Variants in COL4A5 observed in about 807,000 individuals in gnomAD.
COL4A5 encodes collagen type IV alpha 5 chain.
A neutral mutation model predicts 130.2 loss-of-function variants in COL4A5; 26 were observed. The ratio of observed to expected loss-of-function variants is 0.20; its 90% CI spans 0.15 to 0.28. COL4A5 has a LOEUF of 0.28. Ranked by LOEUF, COL4A5 falls within the 10% of genes least tolerant of loss-of-function variation. The pLI is 1.00. For synonymous variants in COL4A5, 496 were observed against 439.6 expected (o/e 1.13, Z -1.60); for missense variants, 1,131 against 1,344.3 (o/e 0.84, Z 2.48).
chrX:108,663,857 T>C (rs2068016411), intron 37 of COL4A5, among the ~76,000 whole-genome samples: 1 of 111,386 alleles, frequency 9.0e-6, no homozygotes, highest in African/African-American at 3.3e-5. Context: ...CTAAAATGTG[T>C]ATGGAAATGA....
chrX:108,536,666 C>T (rs1339863876), intron 1 of COL4A5, among the ~76,000 whole-genome samples: 1 of 111,109 alleles, frequency 9.0e-6, no homozygotes, highest in African/African-American at 3.3e-5. Flanking sequence ...TCACTTTCTC[C>T]ACAGAGCCTT....
intron 36 of COL4A5, among the ~76,000 whole-genome samples, chrX:108,633,310 A>T (rs1215863049): frequency 1.8e-5 from 2 of 111,344 alleles, no homozygotes; most frequent in African/African-American, 6.5e-5. Context: ...GATTATAAAA[A>T]TAGATTTATA....
At chrX:108,641,913 A>T (rs1215020540) in intron 36 of COL4A5, among the ~76,000 whole-genome samples, 1 of 111,842 alleles carries the variant, frequency 8.9e-6, no homozygotes, top group African/African-American at 3.3e-5. Flanking sequence ...GAGGGCATGA[A>T]TCCAGTGTGC....
At chrX:108,464,305 A>G (rs893876473) in intron 1 of COL4A5, among the ~76,000 whole-genome samples, 29 of 111,898 alleles carry the variant, frequency 2.6e-4, no homozygotes, top group African/African-American at 8.8e-4. Context: ...ATATGCATAT[A>G]CCAATATTTT....
In COL4A5 at chrX:108,519,725, A is replaced by G. The variant is rs759082909; in HGVS notation, c.82-20021A>G. Among the ~76,000 whole-genome samples the G allele has an allele frequency of 4.5e-5, 5 of 110,620 alleles. No homozygotes were observed. In the South Asian group the frequency reaches 1.5e-3, roughly 33 times the overall value. On this transcript the variant is annotated intron_variant, in intron 1 of 52. Coordinates refer to ENST00000328300, the MANE Select transcript of COL4A5 (RefSeq NM_033380.3). Reference sequence around the variant, plus strand: ...TAATTACATTTCTTTTATTCCTGTAATACATTTCTTATACTATTTGGGTTT... The same window carrying G: ...TAATTACATTTCTTTTATTCCTGTAGTACATTTCTTATACTATTTGGGTTT...
intron 28 of COL4A5, among the ~76,000 whole-genome samples, chrX:108,605,546 A>G (rs990784515): frequency 8.9e-6 from 1 of 112,428 alleles, no homozygotes. Context: ...TATTGTGACA[A>G]TTACCAAAAT....
chrX:108,597,018 C>A lies in COL4A5; in HGVS notation c.1537C>A (p.Gln513Lys). The A allele has an allele frequency of 8.4e-7, 1 of 1,187,143 alleles. No homozygotes were observed. The highest frequency in any genetic ancestry group is 1.1e-6 in the Non-Finnish European group (1 of 881,378). Residue 513 changes from glutamine to lysine, a missense_variant, in exon 23 of 53, where the codon CAG (glutamine) becomes AAG (lysine). Transcript: ENST00000328300. ...GPPGSLGFPGQKGEKGQAGAT... is the reference protein window; with the variant it reads ...GPPGSLGFPGKKGEKGQAGAT... ...GTTAGGATCTCTTGGTTTCCCTGGA[C>A]AGAAAGGGGAAAAAGGACAAGCTGG...
chrX:108,505,485 G>A (rs1028493268), intron 1 of COL4A5, among the ~76,000 whole-genome samples: 1 of 111,292 alleles, frequency 9.0e-6, no homozygotes, highest in Non-Finnish European at 1.9e-5. Context: ...AAATTCATAT[G>A]TTGAATCTCA....
intron 1 of COL4A5, among the ~76,000 whole-genome samples, chrX:108,478,751 T>C (rs1310954849): frequency 9.0e-6 from 1 of 111,717 alleles, no homozygotes; most frequent in African/African-American, 3.3e-5. Context: ...GGATAAGGCA[T>C]TTCGTGAGTC....
chrX:108,553,469 A>G (rs1363247620), intron 2 of COL4A5, among the ~76,000 whole-genome samples: 1 of 112,027 alleles, frequency 8.9e-6, no homozygotes, highest in Non-Finnish European at 1.9e-5. Flanking sequence ...AAGCAGATAT[A>G]TAGATGGCAA....
intron 1 of COL4A5, among the ~76,000 whole-genome samples, chrX:108,473,633 A>ATATATATATATATTTTTT: frequency 0.014 from 472 of 34,460 alleles, 24 homozygotes; most frequent in African/African-American, 0.017. Context: ...ATATATATAT[A>ATATATATATATATTTTTT]TTTTTTTTTT....
intron 1 of COL4A5, among the ~76,000 whole-genome samples, chrX:108,500,960 A>G (rs747979857): frequency 5.4e-5 from 6 of 111,194 alleles, no homozygotes; most frequent in African/African-American, 2.0e-4. Context: ...GAGAGATAAG[A>G]AACAAAATAA....
Position 108,597,086 on chromosome X carries a change from T to G in COL4A5, c.1587+18T>G, listed in dbSNP as rs1245857897. ...GATTACCAGTAAGTTTTGAGTATAT[T>G]ATAAAACAAAAAGAAGTAGAAGGAA... On this transcript the variant is annotated intron_variant, in intron 23 of 52. Transcript: ENST00000328300. 1.7e-6 allele frequency: 2 copies of G among 1,163,165 alleles called. No homozygotes were observed. The highest frequency in any genetic ancestry group is 2.3e-6 in the Non-Finnish European group (2 of 858,513).
intron 41 of COL4A5, among the ~76,000 whole-genome samples, chrX:108,669,341 A>G (rs2068150841): frequency 8.9e-6 from 1 of 112,337 alleles, no homozygotes; most frequent in Non-Finnish European, 1.9e-5. Context: ...AAAGTCTCTG[A>G]CATTATATAA....
chrX:108,454,119 T>C (rs1302660815), intron 1 of COL4A5, among the ~76,000 whole-genome samples: 3 of 112,276 alleles, frequency 2.7e-5, no homozygotes, highest in African/African-American at 9.7e-5. Flanking sequence ...AGGAAATAGT[T>C]GTTGAATGAA....
intron 2 of COL4A5, among the ~76,000 whole-genome samples, chrX:108,546,962 G>C (rs2065668609): frequency 8.9e-6 from 1 of 111,953 alleles, no homozygotes; most frequent in Non-Finnish European, 1.9e-5. Context: ...AGCCCCATCA[G>C]GTCCTTTAAG....
chrX:108,571,606 G>T lies in COL4A5; in HGVS notation c.438+140G>T, dbSNP rs769657277. On this transcript the variant is annotated intron_variant, in intron 7 of 52. Transcript: ENST00000328300. ...AAACTAGAGGAAAATGTTTCAAAAA[G>T]AAGTTGGTAATATAGCTTTCTCCTG... 11 of 636,187 alleles carry T rather than the reference G, an allele frequency of 1.7e-5. No homozygotes were observed. The South Asian group carries it at 2.5e-4, about 15-fold the overall frequency. 52.4% of individuals were successfully genotyped at this position (636,187 alleles called of 1,213,427 possible).
intron 13 of COL4A5, among the ~76,000 whole-genome samples, chrX:108,578,591 A>G (rs1416752305): frequency 8.9e-6 from 1 of 111,782 alleles, no homozygotes; most frequent in African/African-American, 3.3e-5. Context: ...TTTCTATGTA[A>G]GTGGAATTCC....
intron 1 of COL4A5, among the ~76,000 whole-genome samples, chrX:108,481,173 G>A (rs1442486687): frequency 9.0e-6 from 1 of 111,236 alleles, no homozygotes; most frequent in Non-Finnish European, 1.9e-5. Flanking sequence ...TTAACTGGAG[G>A]ACCACAATGA....
Sources: gnomAD v4.1 joint callset for allele counts (sites outside exome capture counted in the v4.1 genomes callset) on GRCh38, gnomAD v4.1.1 for gene constraint, MANE v1.5 for transcripts, NCBI Gene and HGNC (gene_info 2026-07-23, HGNC 2026-07-21) for gene names.